Variants in ATP2A2 observed in about 807,000 individuals in gnomAD.
The protein encoded by ATP2A2 is ATPase sarcoplasmic/endoplasmic reticulum Ca2+ transporting 2.
Under a neutral mutation model 109.3 loss-of-function variants are expected in ATP2A2, and 14 were observed. The observed-to-expected ratio is 0.13, with a 90% CI of 0.08 to 0.20. The LOEUF (loss-of-function observed/expected upper bound fraction) is 0.20, where lower values mean the gene tolerates loss of function less well. Ranked by LOEUF, ATP2A2 falls within the 10% of genes least tolerant of loss-of-function variation. The pLI is 1.00. For synonymous variants in ATP2A2, 506 were observed against 490.9 expected (o/e 1.03, Z -0.41); for missense variants, 657 against 1,321.6 (o/e 0.50, Z 7.80).
intron 3 of ATP2A2, among the ~76,000 whole-genome samples, chr12:110,290,636 G>C (rs1018106872): frequency 2.6e-5 from 4 of 152,150 alleles, no homozygotes; most frequent in Non-Finnish European, 5.9e-5. Context: ...ACTGAGTCTT[G>C]CTCTAACGCC....
chr12:110,295,677 A>G (rs1873891883), intron 4 of ATP2A2, among the ~76,000 whole-genome samples: 1 of 152,164 alleles, frequency 6.6e-6, no homozygotes, highest in Non-Finnish European at 1.5e-5. Context: ...ACCAGCTTTC[A>G]TCTTTGTGTC....
At chr12:110,314,059 C>T (rs372648306) in intron 5 of ATP2A2, among the ~76,000 whole-genome samples, 1 of 151,460 alleles carries the variant, frequency 6.6e-6, no homozygotes, top group African/African-American at 2.4e-5. Flanking sequence ...GCCGGGTACA[C>T]TGGCTCATGC....
Position 110,346,709 on chromosome 12 carries a change from T to C in ATP2A2, c.*239T>C. 7.3e-7 allele frequency: 1 copy of C among 1,376,236 alleles called. No individual in the cohort carries two copies. The highest frequency in any genetic ancestry group is 1.6e-5 in the South Asian group (1 of 64,122). The allele number at this position is 1,376,236 out of a possible 1,614,324, so 85.3% of individuals were successfully genotyped here. A position where few individuals can be genotyped will look rare whatever the true frequency, so the allele number is the denominator to read the frequency against. On this transcript the variant is annotated 3_prime_UTR_variant, in exon 20 of 20. Coordinates refer to ENST00000539276, the MANE Select transcript of ATP2A2 (RefSeq NM_170665.4). ...GAACTAACACTATTTTATGCAAATA[T>C]TTTTTTGTAGATGAAAAAGCATGTA...
chr12:110,313,224 G>A (rs1178140651), intron 5 of ATP2A2, among the ~76,000 whole-genome samples: 1 of 146,962 alleles, frequency 6.8e-6, no homozygotes, highest in Non-Finnish European at 1.5e-5. Context: ...CACAGTACCA[G>A]GAAGTGCCAA....
chr12:110,333,114 G>T (rs1162364789), intron 9 of ATP2A2, 67 bp from the exon 10 acceptor site: 2 of 1,311,126 alleles, frequency 1.5e-6, no homozygotes, highest in Admixed American at 1.7e-5. Flanking sequence ...TTGCGGGGGG[G>T]CAGGGGGCGG....
chr12:110,345,176 C>T (rs918456899), intron 17 of ATP2A2, 73 bp from the exon 18 acceptor site: 2 of 1,609,318 alleles, frequency 1.2e-6, no homozygotes, highest in Non-Finnish European at 1.7e-6. Context: ...CTGTGCTAGG[C>T]TTGGTATGGG....
intron 11 of ATP2A2, among the ~76,000 whole-genome samples, chr12:110,336,837 G>A (rs991605390): frequency 6.6e-5 from 10 of 152,164 alleles, no homozygotes; most frequent in African/African-American, 2.2e-4. Context: ...CCATGAACCC[G>A]AAGCAGTCCA....
Position 110,350,183 on chromosome 12 carries a change from G to T in ATP2A2, c.*3713G>T. 6.2e-7 allele frequency: 1 copy of T among 1,607,458 alleles called. No individual in the cohort carries two copies. On this transcript the variant is annotated 3_prime_UTR_variant, in exon 20 of 20. Coordinates refer to ENST00000539276, the MANE Select transcript of ATP2A2 (RefSeq NM_170665.4). ...CTTGAAACCTTGAAAAGATCAAGCT[G>T]AATGTTCCTTTTCATCTGTCGCTGT...
At chr12:110,305,605 G>T (rs140799772) in intron 5 of ATP2A2, among the ~76,000 whole-genome samples, 1 of 152,280 alleles carries the variant, frequency 6.6e-6, no homozygotes, top group African/African-American at 2.4e-5. Flanking sequence ...ATTGATCTCT[G>T]TCTTTAGGTC....
chr12:110,296,814 A>G, intron 5 of ATP2A2, 77 bp downstream of exon 5: 2 of 1,470,236 alleles, frequency 1.4e-6, no homozygotes, highest in East Asian at 2.3e-5. Flanking sequence ...GCTCATAATT[A>G]TATTTAAAAT....
At chr12:110,343,863 C>T (rs1016923567) in intron 16 of ATP2A2, among the ~76,000 whole-genome samples, 4 of 152,180 alleles carry the variant, frequency 2.6e-5, no homozygotes, top group African/African-American at 9.7e-5. Flanking sequence ...ATCTCTTTAG[C>T]CCTCATCTTC....
intron 4 of ATP2A2, chr12:110,296,174 G>T (rs904257294): frequency 4.9e-5 from 9 of 184,834 alleles, no homozygotes; most frequent in Non-Finnish European, 4.6e-5. Flanking sequence ...GAGTGCAGTG[G>T]CAGGATCTCG....
rs554850587 is a variant in ATP2A2 at position 110,294,169 on chromosome 12, G to A, written c.324+2045G>A. 1.5e-4 allele frequency among the ~76,000 whole-genome samples: 23 copies of A among 151,758 alleles called. No homozygotes were observed. In the East Asian group the frequency reaches 1.8e-3, roughly 12 times the overall value. Reference sequence around the variant, plus strand: ...CGCCATTCTCCTGTCTCAGCCTCCCGAATAGCTGGGATTACAGGTGCCCAC... The same window carrying A: ...CGCCATTCTCCTGTCTCAGCCTCCCAAATAGCTGGGATTACAGGTGCCCAC... On this transcript the variant is annotated intron_variant, in intron 4 of 19. Transcript: ENST00000539276.
chr12:110,290,349 TTA>T (rs1431119757), intron 3 of ATP2A2, among the ~76,000 whole-genome samples: 1 of 152,180 alleles, frequency 6.6e-6, no homozygotes, highest in Non-Finnish European at 1.5e-5. Context: ...ATTAAACAGT[TTA>T]TATATGCTCT....
chr12:110,288,855 C>T (rs910613116), intron 3 of ATP2A2, among the ~76,000 whole-genome samples: 1 of 152,142 alleles, frequency 6.6e-6, no homozygotes, highest in African/African-American at 2.4e-5. Flanking sequence ...AGTAAGGGAT[C>T]TTGCGTTTCA....
chr12:110,300,821 G>A (rs928958383), intron 5 of ATP2A2, among the ~76,000 whole-genome samples: 1 of 151,786 alleles, frequency 6.6e-6, no homozygotes, highest in Non-Finnish European at 1.5e-5. Flanking sequence ...ATAGATAGGA[G>A]AGTGTGTAAA....
chr12:110,343,855 C>T (rs1374194169), intron 16 of ATP2A2, among the ~76,000 whole-genome samples: 1 of 152,198 alleles, frequency 6.6e-6, no homozygotes, highest in Non-Finnish European at 1.5e-5. Flanking sequence ...TATAAATCAT[C>T]TCTTTAGCCC....
rs375402481 is a variant in ATP2A2, at chr12:110,306,200, A to G, written c.463+9463A>G. On this transcript the variant is annotated intron_variant, in intron 5 of 19. Coordinates refer to ENST00000539276, the MANE Select transcript of ATP2A2 (RefSeq NM_170665.4). ...ACCAGAGGCGCCTGCCACCATGCCC[A>G]GCTAATGTTTTTGTATTTTTAGTAG... is the stretch of plus-strand genomic sequence containing the variant. Among the ~76,000 whole-genome samples the G allele has an allele frequency of 8.1e-3, 1,232 of 152,146 alleles. 1 individual carries two copies. Among genetic ancestry groups the G allele is most frequent in the Non-Finnish European group, 9.5e-3 (644 of 67,994 alleles).
At chr12:110,316,803 A>G (rs970362771) in intron 5 of ATP2A2, among the ~76,000 whole-genome samples, 4 of 152,188 alleles carry the variant, frequency 2.6e-5, no homozygotes, top group Non-Finnish European at 5.9e-5. Context: ...GAAGGCCCAG[A>G]AACAAGTTAG....
Sources: gnomAD v4.1 joint callset for allele counts (sites outside exome capture counted in the v4.1 genomes callset) on GRCh38, gnomAD v4.1.1 for gene constraint, MANE v1.5 for transcripts, NCBI Gene and HGNC (gene_info 2026-07-23, HGNC 2026-07-21) for gene names.